IL1RAPL1: variants seen among roughly 807,000 people sequenced by gnomAD.
The protein encoded by IL1RAPL1 is interleukin 1 receptor accessory protein like 1.
A neutral mutation model predicts 48.4 loss-of-function variants in IL1RAPL1; 3 were observed. The observed-to-expected ratio is 0.06, with a 90% CI of 0.03 to 0.16. IL1RAPL1 has a LOEUF of 0.16. Among genes scored for constraint, IL1RAPL1 ranks in the 10% least tolerant of loss-of-function variants. IL1RAPL1 has a pLI of 1.00. For missense variants in IL1RAPL1, 349 were observed against 530.6 expected (o/e 0.66, Z 3.36); for synonymous variants, 185 against 187.7 (o/e 0.99, Z 0.12).
intron 5 of IL1RAPL1, among the ~76,000 whole-genome samples, chrX:29,527,258 G>A (rs1019762620): frequency 3.0e-5 from 3 of 101,321 alleles, no homozygotes; most frequent in Non-Finnish European, 3.9e-5. Context: ...ATGTACCAAG[G>A]AAAACTATAC....
At chrX:29,510,323 G>C (rs1935380858) in intron 5 of IL1RAPL1, among the ~76,000 whole-genome samples, 3 of 111,936 alleles carry the variant, frequency 2.7e-5, no homozygotes, top group African/African-American at 9.7e-5. Context: ...AGAATAAGCA[G>C]AAAGAAAAAT....
At position 29,888,890 on chromosome X, in the gene IL1RAPL1, G is replaced by A. The variant is rs140222635; in HGVS notation, c.779-28574G>A. Among the ~76,000 whole-genome samples the A allele has an allele frequency of 1.4e-4, 16 of 111,633 alleles. No individual in the cohort carries two copies. In the East Asian group the frequency reaches 4.5e-3, roughly 32 times the overall value. ...TTCTTGTTAGTGTTAGTAAATAAAG[G>A]TGTCTATGTTTTTCAGCTTAGCTAC... On this transcript the variant is annotated intron_variant, in intron 6 of 10. Transcript: ENST00000378993.
intron 2 of IL1RAPL1, among the ~76,000 whole-genome samples, chrX:29,184,329 AC>A (rs1930208895): frequency 9.0e-6 from 1 of 111,440 alleles, no homozygotes; most frequent in South Asian, 3.8e-4. Flanking sequence ...AATTAAATTA[AC>A]CAGTGCTCAC....
At chrX:29,926,964 A>C (rs1932897139) in intron 8 of IL1RAPL1, among the ~76,000 whole-genome samples, 1 of 112,030 alleles carries the variant, frequency 8.9e-6, no homozygotes, top group Non-Finnish European at 1.9e-5. Context: ...ACCTTCCAAG[A>C]TTATACCAAA....
chrX:28,786,244 C>A (rs1013036214), intron 1 of IL1RAPL1, among the ~76,000 whole-genome samples: 2 of 111,524 alleles, frequency 1.8e-5, no homozygotes, highest in East Asian at 5.6e-4. Context: ...GCAGGCAGAT[C>A]AGTTGAGGTC....
chrX:28,615,199 G>GTTTTTTTTTCTTTTTTTTTTTTT (rs1934200506), intron 1 of IL1RAPL1, among the ~76,000 whole-genome samples: 1 of 26,064 alleles, frequency 3.8e-5, no homozygotes, highest in African/African-American at 1.4e-4. Context: ...ACTGTTGTCT[G>GTTTTTTTTTCTTTTTTTTTTTTT]TTTTTTTTTT....
intron 2 of IL1RAPL1, among the ~76,000 whole-genome samples, chrX:29,240,471 G>T (rs1004874481): frequency 3.7e-5 from 4 of 107,825 alleles, no homozygotes; most frequent in African/African-American, 6.8e-5. Context: ...CTGGCCTCAG[G>T]TGATCCGCCC....
intron 5 of IL1RAPL1, among the ~76,000 whole-genome samples, chrX:29,419,292 TAGTC>T (rs776632479): frequency 1.8e-5 from 2 of 111,559 alleles, no homozygotes; most frequent in South Asian, 7.4e-4. Flanking sequence ...AAATAATCTC[TAGTC>T]ATTAATTCCA....
intron 6 of IL1RAPL1, among the ~76,000 whole-genome samples, chrX:29,769,557 C>A (rs777581030): frequency 4.3e-4 from 42 of 98,392 alleles, no homozygotes; most frequent in African/African-American, 1.5e-3. Flanking sequence ...GATTCTCCTG[C>A]CTCAGCCTCC....
intron 5 of IL1RAPL1, among the ~76,000 whole-genome samples, chrX:29,636,543 A>T (rs1470972097): frequency 8.9e-6 from 1 of 111,940 alleles, no homozygotes; most frequent in African/African-American, 3.2e-5. Context: ...TATTCATTCT[A>T]GGACACCTTT....
intron 9 of IL1RAPL1, among the ~76,000 whole-genome samples, chrX:29,949,144 A>ACCTTTCTC (rs1933267692): frequency 8.9e-6 from 1 of 112,134 alleles, no homozygotes; most frequent in Non-Finnish European, 1.9e-5. Flanking sequence ...AGAAAGGTGC[A>ACCTTTCTC]TTTATCTATA....
chrX:29,886,275 A>G (rs1479783252), intron 6 of IL1RAPL1, among the ~76,000 whole-genome samples: 1 of 112,589 alleles, frequency 8.9e-6, no homozygotes, highest in African/African-American at 3.2e-5. Context: ...TTCTTCTTTA[A>G]GCACCATAAA....
At chrX:29,179,465 T>C (rs1326650105) in intron 2 of IL1RAPL1, among the ~76,000 whole-genome samples, 1 of 111,918 alleles carries the variant, frequency 8.9e-6, no homozygotes, top group Admixed American at 9.5e-5. Flanking sequence ...GTTAGAATAA[T>C]GACTCCCCAG....
chrX:29,515,744 G>A (rs774814078), intron 5 of IL1RAPL1, among the ~76,000 whole-genome samples: 20 of 111,693 alleles, frequency 1.8e-4, no homozygotes, highest in Non-Finnish European at 3.2e-4. Context: ...AGTGTTGTCA[G>A]TGGTGTGATT....
chrX:28,640,342 T>C (rs1934519025), intron 1 of IL1RAPL1, among the ~76,000 whole-genome samples: 1 of 110,696 alleles, frequency 9.0e-6, no homozygotes, highest in African/African-American at 3.3e-5. Flanking sequence ...GTTTTTTGTT[T>C]GTTTGTTTTG....
At chrX:29,615,426 C>T (rs1357115475) in intron 5 of IL1RAPL1, among the ~76,000 whole-genome samples, 5 of 106,003 alleles carry the variant, frequency 4.7e-5, no homozygotes, top group African/African-American at 1.8e-4. Context: ...GGAGGGGAGG[C>T]GAGGAGAGGG....
intron 5 of IL1RAPL1, among the ~76,000 whole-genome samples, chrX:29,606,810 A>G (rs1923907456): frequency 9.0e-6 from 1 of 111,229 alleles, no homozygotes. Context: ...ATGGCACAGT[A>G]ACTTTAAAGA....
At chrX:29,113,217 G>T (rs1226040688) in intron 2 of IL1RAPL1, among the ~76,000 whole-genome samples, 1 of 112,140 alleles carries the variant, frequency 8.9e-6, no homozygotes, top group African/African-American at 3.2e-5. Flanking sequence ...TGAAAAGATT[G>T]CTGGGAAATG....
At chrX:29,105,676 A>C (rs1928433087) in intron 2 of IL1RAPL1, among the ~76,000 whole-genome samples, 3 of 111,921 alleles carry the variant, frequency 2.7e-5, no homozygotes, top group Non-Finnish European at 5.6e-5. Flanking sequence ...AATCTCATTC[A>C]CCACAGAACA....
Sources: gnomAD v4.1 joint callset for allele counts (sites outside exome capture counted in the v4.1 genomes callset) on GRCh38, gnomAD v4.1.1 for gene constraint, MANE v1.5 for transcripts, NCBI Gene and HGNC (gene_info 2026-07-23, HGNC 2026-07-21) for gene names.